CNTNAP2: variants seen among roughly 807,000 people sequenced by gnomAD.
CNTNAP2 encodes contactin-associated protein-like 2.
Under a neutral mutation model 155.2 loss-of-function variants are expected in CNTNAP2, and 98 were observed. The ratio of observed to expected loss-of-function variants is 0.63; its 90% CI spans 0.54 to 0.75. The LOEUF (loss-of-function observed/expected upper bound fraction) is 0.75. Ranked by LOEUF, CNTNAP2 falls within the 30% of genes least tolerant of loss-of-function variation. CNTNAP2 has a pLI of 0.00. For missense variants in CNTNAP2, 1,727 were observed against 1,688.1 expected (o/e 1.02, Z -0.40); for synonymous variants, 651 against 631.2 (o/e 1.03, Z -0.47).
chr7:146,251,397 A>G (rs1799754596), intron 1 of CNTNAP2, among the ~76,000 whole-genome samples: 1 of 152,202 alleles, frequency 6.6e-6, no homozygotes, highest in South Asian at 2.1e-4. Flanking sequence ...TTTTCCACCT[A>G]AGCAGATATG....
intron 1 of CNTNAP2, among the ~76,000 whole-genome samples, chr7:146,431,602 T>C (rs1485065051): frequency 6.6e-6 from 1 of 152,080 alleles, no homozygotes; most frequent in African/African-American, 2.4e-5. Context: ...AATTTAATTT[T>C]TATAATAGAT....
chr7:147,387,756 G>A (rs1608788), intron 9 of CNTNAP2, among the ~76,000 whole-genome samples: 96,874 of 151,416 alleles, frequency 0.64, 32,032 homozygotes, highest in African/African-American at 0.82. Context: ...ATTATTGACT[G>A]TATTTACCCT....
chr7:146,524,032 C>G (rs140475231), intron 1 of CNTNAP2, among the ~76,000 whole-genome samples: 18 of 152,246 alleles, frequency 1.2e-4, no homozygotes, highest in African/African-American at 4.3e-4. Context: ...AGATGGGCAT[C>G]AAGCATTAAT....
chr7:147,141,963 G>A (rs957472049), intron 8 of CNTNAP2, among the ~76,000 whole-genome samples: 26 of 152,268 alleles, frequency 1.7e-4, no homozygotes, highest in Non-Finnish European at 3.4e-4. Context: ...TCAGCTTAAG[G>A]AGATTTTGGG....
At chr7:148,038,028 C>T (rs1194398438) in intron 15 of CNTNAP2, among the ~76,000 whole-genome samples, 1 of 152,116 alleles carries the variant, frequency 6.6e-6, no homozygotes, top group Admixed American at 6.5e-5. Context: ...AACTACTGTA[C>T]AATTGTAGGA....
rs1798600726 is a variant in CNTNAP2 at position 148,360,567 on chromosome 7, C to CGTTT, written c.3476-23082_3476-23081insGTTT. On this transcript the variant is annotated intron_variant, in intron 21 of 23. Transcript: ENST00000361727. Reference sequence around the variant, plus strand: ...ACTCAAAAGTAAACACTTTTAAAAACTTAAAAGTGTAAGATTTTAAAGTGG... The same window carrying CGTTT: ...ACTCAAAAGTAAACACTTTTAAAAACGTTTTTAAAAGTGTAAGATTTTAAAGTGG... Among the ~76,000 whole-genome samples the CGTTT allele has an allele frequency of 2.8e-5, 4 of 144,946 alleles. No individual in the cohort carries two copies. The South Asian group carries it at 8.3e-4, about 30-fold the overall frequency.
intron 21 of CNTNAP2, among the ~76,000 whole-genome samples, chr7:148,363,040 G>T (rs1798656338): frequency 6.6e-6 from 1 of 152,090 alleles, no homozygotes; most frequent in Non-Finnish European, 1.5e-5. Context: ...GGAGTGCAGT[G>T]GTGTGATCTC....
intron 11 of CNTNAP2, among the ~76,000 whole-genome samples, chr7:147,532,297 A>G (rs1002289067): frequency 3.3e-5 from 5 of 152,256 alleles, no homozygotes; most frequent in African/African-American, 9.6e-5. Context: ...TCTCTAGGGC[A>G]GGGGCAAAAT....
chr7:146,887,243 A>T (rs1249159532), intron 3 of CNTNAP2, among the ~76,000 whole-genome samples: 4 of 151,830 alleles, frequency 2.6e-5, no homozygotes, highest in Admixed American at 6.6e-5. Flanking sequence ...TCGCCTCCCC[A>T]GTTCAGACAA....
At chr7:148,010,570 T>C (rs1802060734) in intron 15 of CNTNAP2, among the ~76,000 whole-genome samples, 1 of 151,964 alleles carries the variant, frequency 6.6e-6, no homozygotes, top group Non-Finnish European at 1.5e-5. Flanking sequence ...TTTCTTATTT[T>C]TGACACATAT....
chr7:146,455,342 A>T (rs1225150038), intron 1 of CNTNAP2, among the ~76,000 whole-genome samples: 1 of 152,092 alleles, frequency 6.6e-6, no homozygotes, highest in Non-Finnish European at 1.5e-5. Flanking sequence ...TTATTCACTG[A>T]TGTATCCTTG....
intron 1 of CNTNAP2, among the ~76,000 whole-genome samples, chr7:146,759,272 T>C (rs1802045064): frequency 6.6e-6 from 1 of 152,162 alleles, no homozygotes; most frequent in Non-Finnish European, 1.5e-5. Flanking sequence ...AAATACAGAA[T>C]TCTTGGACTT....
chr7:147,148,111 C>A (rs1228425210), intron 8 of CNTNAP2, among the ~76,000 whole-genome samples: 1 of 151,762 alleles, frequency 6.6e-6, no homozygotes, highest in Non-Finnish European at 1.5e-5. Flanking sequence ...GTGGTGGGGG[C>A]CGGGCGCGGT....
chr7:146,417,230 A>C (rs1284128302), intron 1 of CNTNAP2, among the ~76,000 whole-genome samples: 2 of 152,144 alleles, frequency 1.3e-5, no homozygotes, highest in Non-Finnish European at 1.5e-5. Context: ...GTACTGTCAA[A>C]AGTAAAGCTA....
intron 3 of CNTNAP2, among the ~76,000 whole-genome samples, chr7:146,927,902 G>A (rs1429564860): frequency 1.3e-5 from 2 of 150,742 alleles, no homozygotes; most frequent in African/African-American, 4.9e-5. Context: ...GAGTGTGTGT[G>A]TATACATATG....
intron 7 of CNTNAP2, among the ~76,000 whole-genome samples, chr7:147,131,833 A>G (rs1036854710): frequency 6.6e-6 from 1 of 152,032 alleles, no homozygotes; most frequent in Non-Finnish European, 1.5e-5. Flanking sequence ...TAATGTTGGC[A>G]TTGACCACCC....
chr7:146,978,622 T>C (rs939601521), intron 3 of CNTNAP2, among the ~76,000 whole-genome samples: 10 of 152,056 alleles, frequency 6.6e-5, no homozygotes, highest in Non-Finnish European at 1.5e-4. Flanking sequence ...ATTCATCAGG[T>C]ATTTGAACTC....
At chr7:147,605,911 C>G (rs1312829676) in intron 12 of CNTNAP2, among the ~76,000 whole-genome samples, 1 of 150,804 alleles carries the variant, frequency 6.6e-6, no homozygotes, top group Non-Finnish European at 1.5e-5. Flanking sequence ...CTCTTTCTCT[C>G]TCTCTGTGTG....
chr7:147,486,718 C>T (rs1798517114), intron 11 of CNTNAP2, among the ~76,000 whole-genome samples: 1 of 152,088 alleles, frequency 6.6e-6, no homozygotes, highest in African/African-American at 2.4e-5. Context: ...AATTTCTGTA[C>T]TTAAAAAATT....
Sources: gnomAD v4.1 joint callset for allele counts (sites outside exome capture counted in the v4.1 genomes callset) on GRCh38, gnomAD v4.1.1 for gene constraint, MANE v1.5 for transcripts, NCBI Gene and HGNC (gene_info 2026-07-23, HGNC 2026-07-21) for gene names.